PRDM16: variants seen among roughly 807,000 people sequenced by gnomAD.
The protein encoded by PRDM16 is histone-lysine N-methyltransferase PRDM16.
PRDM16 carries 23 observed loss-of-function variants against 110.6 expected under a neutral mutation model. The ratio of observed to expected loss-of-function variants is 0.21; its 90% CI spans 0.15 to 0.29. The LOEUF (loss-of-function observed/expected upper bound fraction) is 0.29, where lower values mean the gene tolerates loss of function less well. Ranked by LOEUF, PRDM16 falls within the 10% of genes least tolerant of loss-of-function variation. PRDM16 has a pLI of 1.00. For synonymous variants in PRDM16, 799 were observed against 781.8 expected (o/e 1.02, Z -0.37); for missense variants, 1,615 against 1,794.3 (o/e 0.90, Z 1.81).
chr1:3,136,497 C>T (rs927928947), intron 1 of PRDM16, among the ~76,000 whole-genome samples: 6 of 152,152 alleles, frequency 3.9e-5, no homozygotes, highest in African/African-American at 7.2e-5. Context: ...AATTACAGAG[C>T]GGGGAGAAGC....
chr1:3,285,564 T>A (rs1472417763), intron 3 of PRDM16, among the ~76,000 whole-genome samples: 2 of 152,142 alleles, frequency 1.3e-5, no homozygotes, highest in East Asian at 1.9e-4. Context: ...CTTGGAGCTG[T>A]GACATGCTCG....
In PRDM16 at chr1:3,390,728, C is replaced by G. The variant is rs1643284464; in HGVS notation, c.573+5442C>G. Among the ~76,000 whole-genome samples, 1 of 152,162 alleles carries G rather than the reference C, an allele frequency of 6.6e-6. No homozygotes were observed. Among genetic ancestry groups the G allele is most frequent in the Non-Finnish European group, 1.5e-5 (1 of 68,026 alleles). On this transcript the variant is annotated intron_variant, in intron 4 of 16. Transcript: ENST00000270722. This position sits in a 1 kb window ranked among gnomAD's most constrained non-coding sequence, Gnocchi z 5.0. ...CCGCGTTTCTGTCTGGGCGTGTGCC[C>G]TGTCAGGGTTGCGGTTTTAAACAGA...
At chr1:3,352,442 C>A (rs1395997768) in intron 3 of PRDM16, among the ~76,000 whole-genome samples, 1 of 152,242 alleles carries the variant, frequency 6.6e-6, no homozygotes, top group African/African-American at 2.4e-5. Flanking sequence ...CCGCAGTGGG[C>A]TGGGGGAGGG....
intron 1 of PRDM16, among the ~76,000 whole-genome samples, chr1:3,116,979 C>T (rs917804735): frequency 2.0e-5 from 3 of 152,234 alleles, no homozygotes; most frequent in Non-Finnish European, 4.4e-5. Flanking sequence ...GTCCATATCC[C>T]TCCTGGAAGT....
In PRDM16 at chr1:3,425,560, G is replaced by C. The variant is rs779387727; in HGVS notation, c.2940-21G>C. On this transcript the variant is annotated intron_variant, in intron 12 of 16. Coordinates refer to ENST00000270722, the MANE Select transcript of PRDM16 (RefSeq NM_022114.4). This position sits in a 1 kb window ranked among gnomAD's most constrained non-coding sequence, Gnocchi z 6.9. ...ATGCAGAGCCGGGGCCTGCACTGAG[G>C]AGCGCGTGTGCCCCTTCCAGGTGTA... 11 of 1,611,942 alleles carry C rather than the reference G, an allele frequency of 6.8e-6. No individual in the cohort carries two copies. The South Asian group carries it at 1.2e-4, about 18-fold the overall frequency.
intron 1 of PRDM16, among the ~76,000 whole-genome samples, chr1:3,079,404 C>CTTCAGGG (rs5772093): frequency 6.6e-6 from 1 of 151,488 alleles, no homozygotes; most frequent in Non-Finnish European, 1.5e-5. Flanking sequence ...CACAGGGATC[C>CTTCAGGG]TGCGGTTGCA....
At chr1:3,095,559 C>T (rs1323976496) in intron 1 of PRDM16, among the ~76,000 whole-genome samples, 1 of 152,128 alleles carries the variant, frequency 6.6e-6, no homozygotes, top group Admixed American at 6.5e-5. Flanking sequence ...TGCTGGTCCT[C>T]CCTAGTGCCC....
At chr1:3,185,439 TCCAGGCTGTGGCCTAAGTGCAGGGATGC>T (rs1644256247) in intron 1 of PRDM16, among the ~76,000 whole-genome samples, 1 of 152,140 alleles carries the variant, frequency 6.6e-6, no homozygotes, top group African/African-American at 2.4e-5. Flanking sequence ...CCAGTGCATG[TCCAGGCTGTGGCCTAAGTGCAGGGATGC>T]CCAGGCTGCG....
chr1:3,277,478 G>A (rs1298555015), intron 3 of PRDM16, among the ~76,000 whole-genome samples: 5 of 152,216 alleles, frequency 3.3e-5, no homozygotes, highest in Admixed American at 3.3e-4. Context: ...GGGTCTCTGG[G>A]TGCCTCTGTG....
At chr1:3,372,328 A>T (rs537167739) in intron 3 of PRDM16, among the ~76,000 whole-genome samples, 19 of 152,040 alleles carry the variant, frequency 1.2e-4, no homozygotes, top group Admixed American at 3.3e-4. Flanking sequence ...ATTTTAGGGA[A>T]CCCCCACCCC....
At chr1:3,159,823 C>T (rs1316650910) in intron 1 of PRDM16, among the ~76,000 whole-genome samples, 2 of 152,182 alleles carry the variant, frequency 1.3e-5, no homozygotes, top group South Asian at 4.1e-4. Flanking sequence ...CTTACCCCAT[C>T]GAAGTGGGCT....
intron 3 of PRDM16, chr1:3,309,525 T>C (rs1641398112): frequency 6.6e-6 from 1 of 152,270 alleles, no homozygotes; most frequent in African/African-American, 2.4e-5. Flanking sequence ...ACAATGCTCC[T>C]AACCTCTCTG....
At chr1:3,197,448 CA>C (rs1638508841) in intron 2 of PRDM16, among the ~76,000 whole-genome samples, 1 of 152,216 alleles carries the variant, frequency 6.6e-6, no homozygotes, top group Non-Finnish European at 1.5e-5. Flanking sequence ...CCCCATGAGC[CA>C]GGCAGGGCTG....
intron 1 of PRDM16, among the ~76,000 whole-genome samples, chr1:3,090,214 A>C (rs1391554010): frequency 6.6e-6 from 1 of 152,218 alleles, no homozygotes; most frequent in Non-Finnish European, 1.5e-5. Context: ...CTGGTCCCCC[A>C]CAGGACATGC....
intron 3 of PRDM16, among the ~76,000 whole-genome samples, chr1:3,379,224 CTCCCAACACACTCA>C (rs1233333663): frequency 1.1e-5 from 1 of 90,334 alleles, no homozygotes; most frequent in African/African-American, 4.7e-5. Flanking sequence ...CAGCACACCC[CTCCCAACACACTCA>C]TCCCAACACA....
intron 3 of PRDM16, among the ~76,000 whole-genome samples, chr1:3,306,372 A>T (rs1011629165): frequency 1.3e-5 from 2 of 152,220 alleles, no homozygotes; most frequent in Non-Finnish European, 2.9e-5. Context: ...GAAATTTTCC[A>T]TATAAAAAAG....
At chr1:3,432,452 C>A (rs892971003) in intron 16 of PRDM16, among the ~76,000 whole-genome samples, 2 of 152,202 alleles carry the variant, frequency 1.3e-5, no homozygotes, top group Non-Finnish European at 2.9e-5. Flanking sequence ...GCCCGCCCAG[C>A]CGCCTTCGTC....
chr1:3,193,425 A>G (rs1638366364), intron 2 of PRDM16, among the ~76,000 whole-genome samples: 1 of 152,234 alleles, frequency 6.6e-6, no homozygotes, highest in African/African-American at 2.4e-5. Context: ...GGCTGGTTTG[A>G]ACCCAGAAGT....
Position 3,430,958 on chromosome 1 carries a change from A to G in PRDM16, c.3371A>G (p.Asp1124Gly). ...KQEDVEEEDDDDLEEDDEDSL... is the reference protein window; with the variant it reads ...KQEDVEEEDDGDLEEDDEDSL... ...GAGGACGTGGAGGAGGAGGACGACG[A>G]TGACCTGGAGGAGGACGATGAGGAC... The change falls in exon 15 of 17, where the codon GAT (aspartate) becomes GGT (glycine). Residue 1124 changes from aspartate (D) to glycine (G), a missense_variant. Around this residue, in one of 5 missense-constraint regions of PRDM16, gnomAD observed 327 missense variants for 359.3 expected, o/e 0.91. Coordinates refer to ENST00000270722, the MANE Select transcript of PRDM16 (RefSeq NM_022114.4). 1 of 1,613,372 alleles carries G rather than the reference A, an allele frequency of 6.2e-7. No individual in the cohort carries two copies. Among genetic ancestry groups the G allele is most frequent in the South Asian group, 1.1e-5 (1 of 90,924 alleles).
Sources: gnomAD v4.1 joint callset for allele counts (sites outside exome capture counted in the v4.1 genomes callset) on GRCh38, gnomAD v4.1.1 for gene constraint, gnomAD v4.1.1 regional missense constraint, Gnocchi (gnomAD v3.1) non-coding constraint, MANE v1.5 for transcripts, NCBI Gene and HGNC (gene_info 2026-07-23, HGNC 2026-07-21) for gene names.